The following ABLIM1 variants were observed in gnomAD, a reference collection of about 807,000 sequenced individuals.
The protein encoded by ABLIM1 is actin binding LIM protein 1.
Under a neutral mutation model 107.0 loss-of-function variants are expected in ABLIM1, and 40 were observed. The ratio of observed to expected loss-of-function variants is 0.37; its 90% confidence interval spans 0.29 to 0.49. The LOEUF (loss-of-function observed/expected upper bound fraction) is 0.49, where lower values mean the gene tolerates loss of function less well. ABLIM1 is among the 20% of genes least tolerant of loss of function. The pLI, the probability that ABLIM1 is intolerant of heterozygous loss-of-function variation, is 0.97. For synonymous variants in ABLIM1, 357 were observed against 357.3 expected, an observed-to-expected ratio of 1.00 and a Z score of 0.01; for missense variants, 857 against 1,008.5, an observed-to-expected ratio of 0.85 and a Z score of 2.04.
intron 1 of ABLIM1, among the ~76,000 whole-genome samples, chr10:114,750,676 T>C (rs533246755): frequency 2.0e-5 from 3 of 152,332 alleles, no homozygotes; most frequent in South Asian, 4.2e-4. Context: ...GCCATCCCTT[T>C]TTTATGACCT....
intron 1 of ABLIM1, among the ~76,000 whole-genome samples, chr10:114,642,664 C>T (rs1322792111): frequency 6.6e-6 from 1 of 152,116 alleles, no homozygotes; most frequent in Non-Finnish European, 1.5e-5. Flanking sequence ...AATGAAGAGA[C>T]AGCTGAATTC....
chr10:114,552,894 G>A lies in ABLIM1; in HGVS notation c.674-5118C>T, dbSNP rs978282229. ...ATAGACTCCCTTTTTCCTTGGTTAG[G>A]AGCAGAGTTAGGTCTTGGGTTCTTT... On this transcript the variant is annotated intron_variant, in intron 4 of 22. Transcript: ENST00000533213. 2.6e-5 allele frequency among the ~76,000 whole-genome samples: 4 copies of A among 152,276 alleles called. No homozygotes were observed. In the East Asian group the frequency reaches 7.7e-4, roughly 29 times the overall value.
chr10:114,450,604 T>C (rs2061721777), intron 14 of ABLIM1, among the ~76,000 whole-genome samples: 1 of 146,234 alleles, frequency 6.8e-6, no homozygotes, highest in African/African-American at 2.6e-5. Context: ...CCCAGCTAAC[T>C]TTTTTGGTAT....
chr10:114,472,611 C>T (rs1298111408), intron 10 of ABLIM1, among the ~76,000 whole-genome samples: 1 of 152,108 alleles, frequency 6.6e-6, no homozygotes, highest in Admixed American at 6.6e-5. Flanking sequence ...TGTGTTCTCT[C>T]TCCTCATGAT....
chr10:114,698,954 G>C (rs1263605012), intron 1 of ABLIM1, among the ~76,000 whole-genome samples: 1 of 152,122 alleles, frequency 6.6e-6, no homozygotes, highest in East Asian at 1.9e-4. Flanking sequence ...CACAGTGACA[G>C]CTATATAACA....
chr10:114,646,030 G>GA (rs2078998490), intron 1 of ABLIM1, among the ~76,000 whole-genome samples: 1 of 152,162 alleles, frequency 6.6e-6, no homozygotes, highest in Admixed American at 6.5e-5. Context: ...CTGTACATTC[G>GA]AAAGAGATAC....
chr10:114,439,501 T>A (rs2139082885), intron 20 of ABLIM1: 1 of 581,724 alleles, frequency 1.7e-6, no homozygotes, highest in South Asian at 2.0e-5. Context: ...TTAGGCTCCA[T>A]GAATGAAAGC....
rs569925234 is a variant in ABLIM1 at position 114,510,347 on chromosome 10, T to C, written c.895-18469A>G. On this transcript the variant is annotated intron_variant, in intron 6 of 22. Coordinates refer to ENST00000533213, the MANE Select transcript of ABLIM1 (RefSeq NM_002313.7). Reference sequence around the variant, plus strand: ...CTCCAGCTCCCCTGGACTTAGGCATTTTCTTTGATTTGCATGTATTTCTTG... The same window carrying C: ...CTCCAGCTCCCCTGGACTTAGGCATCTTCTTTGATTTGCATGTATTTCTTG... Among the ~76,000 whole-genome samples the C allele has an allele frequency of 6.6e-5, 10 of 150,682 alleles. 1 individual carries two copies. The highest frequency in any genetic ancestry group is 2.3e-4 in the African/African-American group (9 of 39,980).
rs560194854 is a variant in ABLIM1 at position 114,579,813 on chromosome 10, G to T, written c.380-4214C>A. Among the ~76,000 whole-genome samples the T allele has an allele frequency of 9.9e-5, 15 of 152,194 alleles. No individual in the cohort carries two copies. In the East Asian group the frequency reaches 2.9e-3, roughly 29 times the overall value. ...TATCTCTATGAATTTAACTCCTCTA[G>T]GTTCCTCATATAAATAGAAGTTCAC... On this transcript the variant is annotated intron_variant, in intron 2 of 22. Coordinates refer to ENST00000533213, the MANE Select transcript of ABLIM1 (RefSeq NM_002313.7).
chr10:114,652,845 A>G (rs1412617897), intron 1 of ABLIM1, among the ~76,000 whole-genome samples: 1 of 152,224 alleles, frequency 6.6e-6, no homozygotes, highest in Non-Finnish European at 1.5e-5. Flanking sequence ...TTCCTACAGG[A>G]GAGTAAGGGA....
At chr10:114,669,807 G>A (rs936935481) in intron 1 of ABLIM1, among the ~76,000 whole-genome samples, 3 of 152,122 alleles carry the variant, frequency 2.0e-5, no homozygotes, top group Admixed American at 1.3e-4. Context: ...TGTGTGTTGT[G>A]GCGGGAGGGA....
intron 8 of ABLIM1, chr10:114,485,234 A>G (rs1241732258): frequency 1.5e-6 from 2 of 1,322,260 alleles, no homozygotes; most frequent in Admixed American, 5.4e-5. Context: ...GCCCAGGGGA[A>G]AAGCAACAGA....
intron 17 of ABLIM1, among the ~76,000 whole-genome samples, chr10:114,442,589 T>C (rs142239837): frequency 4.6e-5 from 7 of 152,346 alleles, no homozygotes; most frequent in Admixed American, 2.0e-4. Flanking sequence ...GAGGCATCTA[T>C]GAAGGGTAGC....
At chr10:114,784,544 G>A in the ABLIM1 span, among the ~76,000 whole-genome samples, 3,507 of 150,092 alleles carry the variant, frequency 0.023, 59 homozygotes, top group Non-Finnish European at 0.038. Context: ...GCGGGCGCCT[G>A]TAATCCCAGC....
intron 1 of ABLIM1, among the ~76,000 whole-genome samples, chr10:114,612,847 T>C (rs2076901506): frequency 1.3e-5 from 2 of 152,224 alleles, no homozygotes; most frequent in African/African-American, 4.8e-5. Context: ...CAGAGTCTAT[T>C]GTCACATGGC....
intron 1 of ABLIM1, among the ~76,000 whole-genome samples, chr10:114,606,395 C>T (rs1445047542): frequency 6.6e-6 from 1 of 151,996 alleles, no homozygotes; most frequent in East Asian, 1.9e-4. Flanking sequence ...ACCTCCATGC[C>T]CAGCTAATTT....
chr10:114,641,275 A>AAG lies in ABLIM1; in HGVS notation c.244+16681_244+16682insCT, dbSNP rs1456354545. Among the ~76,000 whole-genome samples the AAG allele has an allele frequency of 1.0e-3, 147 of 146,186 alleles. 1 individual carries two copies. Among genetic ancestry groups the AAG allele is most frequent in the African/African-American group, 3.7e-3 (141 of 37,656 alleles). On this transcript the variant is annotated intron_variant, in intron 1 of 22. Coordinates refer to ENST00000533213, the MANE Select transcript of ABLIM1 (RefSeq NM_002313.7). The stretch of plus-strand genomic sequence containing the variant: ...AAAAAAAAAAAAAAAAAAAAAAAAA[A>AAG]GTGGACTTCGATGTTAGCAAATCTT...
intron 22 of ABLIM1, 34 bp downstream of exon 22, chr10:114,437,810 G>A (rs776681218): frequency 3.6e-5 from 57 of 1,569,606 alleles, no homozygotes; most frequent in Non-Finnish European, 4.7e-5. Context: ...ATAGGGATCT[G>A]CAGTTGGGAC....
chr10:114,545,765 A>T (rs2483601), intron 5 of ABLIM1, among the ~76,000 whole-genome samples: 2,549 of 151,316 alleles, frequency 0.017, 60 homozygotes, highest in African/African-American at 0.059. Flanking sequence ...TTTCTACTTT[A>T]AAAAAAATAC....
Sources: gnomAD v4.1 joint callset for allele counts (sites outside exome capture counted in the v4.1 genomes callset) on GRCh38, gnomAD v4.1.1 for gene constraint, MANE v1.5 for transcripts, NCBI Gene and HGNC (gene_info 2026-07-23, HGNC 2026-07-21) for gene names.